The following NUP107 variants were observed in gnomAD, a reference collection of about 807,000 sequenced individuals.
The protein encoded by NUP107 is nucleoporin 107.
A neutral mutation model predicts 141.0 loss-of-function variants in NUP107; 101 were observed. The ratio of observed to expected loss-of-function variants is 0.72; its 90% confidence interval spans 0.61 to 0.84. The LOEUF (loss-of-function observed/expected upper bound fraction) is 0.84, where lower values mean the gene tolerates loss of function less well. NUP107 is among the 40% of genes least tolerant of loss of function. The pLI is 0.00. For missense variants in NUP107, 941 were observed against 1,102.7 expected, an observed-to-expected ratio of 0.85 and a Z score of 2.08; for synonymous variants, 319 against 363.9, an observed-to-expected ratio of 0.88 and a Z score of 1.41.
rs1440298350 is a variant in NUP107, at chr12:68,719,324, C to CT, written c.1084-14dup. 5 of 1,607,554 alleles carry CT rather than the reference C, an allele frequency of 3.1e-6. No homozygotes were observed. In the African/African-American group the frequency reaches 5.4e-5, roughly 17 times the overall value. On this transcript the variant is annotated splice_polypyrimidine_tract_variant and intron_variant, in intron 12 of 27. Coordinates refer to ENST00000229179, the MANE Select transcript of NUP107 (RefSeq NM_020401.4). ...CACCCTGGTTATTGGACTGACTGCTCTTTCTTGTTTTCTAAGGCACAACGA... is the reference window on the plus strand; with the variant it reads ...CACCCTGGTTATTGGACTGACTGCTCTTTTCTTGTTTTCTAAGGCACAACGA...
At chr12:68,710,948 G>A (rs751475634) in intron 10 of NUP107, among the ~76,000 whole-genome samples, 1 of 151,828 alleles carries the variant, frequency 6.6e-6, no homozygotes, top group Non-Finnish European at 1.5e-5. Flanking sequence ...TGGGTATTCC[G>A]AGCTTTGGGG....
At position 68,702,732 on chromosome 12, in the gene NUP107, C is replaced by T. The variant is rs752016502; in HGVS notation, c.681-4C>T. On this transcript the variant is annotated splice_region_variant and splice_polypyrimidine_tract_variant and intron_variant, in intron 7 of 27. Coordinates refer to ENST00000229179, the MANE Select transcript of NUP107 (RefSeq NM_020401.4). ...CTTTTTTATTTTGTCTTATTTTTCC[C>T]CAGAGACAGAATACAGTCTGCATTA... 1.3e-6 allele frequency: 2 copies of T among 1,532,578 alleles called. No individual in the cohort carries two copies. The highest frequency in any genetic ancestry group is 4.8e-5 in the East Asian group (2 of 41,596). 94.9% of individuals were successfully genotyped at this position (1,532,578 alleles called of 1,614,324 possible).
rs763847945 is a variant in NUP107, at chr12:68,733,583, C to T, written c.2233C>T (p.Arg745Ter). Residue 745 changes from arginine (R) to a stop codon, truncating the protein, a stop_gained, in exon 24 of 28, where the codon CGA (arginine) becomes TGA (stop). Coordinates refer to ENST00000229179, the MANE Select transcript of NUP107 (RefSeq NM_020401.4). LOFTEE classifies it high-confidence loss of function. ...TCCTGCTGAAGATGATAATGCTATC[C>T]GAGAACATTTGTGCATCAGAGCTTA... ...PLPAEDDNAI[R>*]EHLCIRAYLE... 31 of 1,610,680 alleles carry T rather than the reference C, an allele frequency of 1.9e-5. No individual in the cohort carries two copies. The highest frequency in any genetic ancestry group is 2.7e-5 in the African/African-American group (2 of 74,784).
At position 68,742,441 on chromosome 12, in the gene NUP107, AG is replaced by A. The variant is rs1217615782; in HGVS notation, c.2760del (p.Tyr921MetfsTer40). Reference sequence around the variant, plus strand: ...TCCTAGACCAGGGACTTGACCCATTAGGGTATGAAATTCAGTTATAGTTTAA... The same window carrying A: ...TCCTAGACCAGGGACTTGACCCATTAGGTATGAAATTCAGTTATAGTTTAA... ...MLLDQGLDPL[G>X]YEIQL On this transcript the variant is annotated frameshift_variant, in exon 28 of 28. Coordinates refer to ENST00000229179, the MANE Select transcript of NUP107 (RefSeq NM_020401.4). LOFTEE classifies it high-confidence loss of function. 10 of 1,581,554 alleles carry A rather than the reference AG, an allele frequency of 6.3e-6. No homozygotes were observed. Among genetic ancestry groups the A allele is most frequent in the Non-Finnish European group, 8.6e-6 (10 of 1,159,944 alleles).
chr12:68,715,816 G>A, intron 12 of NUP107, 76 bp downstream of exon 12: 1 of 777,966 alleles, frequency 1.3e-6, no homozygotes, highest in South Asian at 1.7e-5. Flanking sequence ...TTTTGTGGCT[G>A]CCTAGTAAGC....
chr12:68,721,722 C>A (rs891024985), intron 15 of NUP107, 119 bp from the exon 16 acceptor site: 2 of 987,248 alleles, frequency 2.0e-6, no homozygotes, highest in Non-Finnish European at 1.5e-6. Flanking sequence ...TTTTTAAAAT[C>A]TGCCGTGTTT....
intron 5 of NUP107, among the ~76,000 whole-genome samples, chr12:68,695,632 G>C (rs572038415): frequency 1.3e-5 from 2 of 152,312 alleles, no homozygotes; most frequent in East Asian, 3.9e-4. Context: ...AGAGTGGGGA[G>C]TTAATGTTTA....
rs1299466755 is a variant in NUP107 at position 68,745,795 on chromosome 12, A to G, written c.*3333A>G. 6.6e-6 allele frequency: 1 copy of G among 152,318 alleles called. No homozygotes were observed. Among genetic ancestry groups the G allele is most frequent in the Non-Finnish European group, 1.5e-5 (1 of 68,082 alleles). The allele number at this position is 152,318 out of a possible 1,614,324, so 9.4% of individuals were successfully genotyped here. Reference sequence around the variant, plus strand: ...TTTTGAATGTCTTTTTCCAAAAATAAAAAATAAAAACATGCTTTCAATAAG... The same window carrying G: ...TTTTGAATGTCTTTTTCCAAAAATAGAAAATAAAAACATGCTTTCAATAAG... On this transcript the variant is annotated 3_prime_UTR_variant, in exon 28 of 28. Coordinates refer to ENST00000229179, the MANE Select transcript of NUP107 (RefSeq NM_020401.4).
chr12:68,690,973 G>C (rs1023689977), intron 4 of NUP107, among the ~76,000 whole-genome samples: 4 of 152,002 alleles, frequency 2.6e-5, no homozygotes, highest in Non-Finnish European at 5.9e-5. Context: ...CTAGCTGCTC[G>C]GGAGGCTGAG....
chr12:68,716,731 C>G (rs2431658), intron 12 of NUP107, among the ~76,000 whole-genome samples: 151,285 of 152,292 alleles, frequency 0.99, 75,149 homozygotes, highest in Middle Eastern at 1. Context: ...TTACCAGATG[C>G]CTCTTTAGGT....
chr12:68,688,931 C>A, intron 1 of NUP107, 31 bp from the exon 2 acceptor site: 1 of 1,508,836 alleles, frequency 6.6e-7, no homozygotes, highest in Non-Finnish European at 9.1e-7. Flanking sequence ...ATTCTCGTTT[C>A]ACTTATATAA....
At position 68,696,871 on chromosome 12, in the gene NUP107, G is replaced by A. The variant is rs371149690; in HGVS notation, c.501G>A (p.Ser167=). 12 of 1,608,638 alleles carry A rather than the reference G, an allele frequency of 7.5e-6. No homozygotes were observed. The highest frequency in any genetic ancestry group is 6.7e-5 in the African/African-American group (5 of 74,212). The stretch of plus-strand genomic sequence containing the variant: ...TGCAGTCTTTTCTGAAGCACTCTTC[G>A]AGTACAGTTTTTGATCTTGTGGAAG... ...DFLQSFLKHS[S]STVFDLVEEY... Residue 167 remains serine (S), a synonymous_variant, in exon 6 of 28, where the codon TCG becomes TCA. Transcript: ENST00000229179.
rs773521364 is a variant in NUP107, at chr12:68,734,694, A to C, written c.2263-14A>C. ...TGTTATTTTATATTTTGGTTTTTTTATTTCACATTTTAGGAAGCCCATGAA... is the reference window on the plus strand; with the variant it reads ...TGTTATTTTATATTTTGGTTTTTTTCTTTCACATTTTAGGAAGCCCATGAA... On this transcript the variant is annotated splice_polypyrimidine_tract_variant and intron_variant, in intron 24 of 27. Transcript: ENST00000229179. 2.1e-5 allele frequency: 31 copies of C among 1,503,152 alleles called. No individual in the cohort carries two copies. The highest frequency in any genetic ancestry group is 2.5e-5 in the Non-Finnish European group (28 of 1,123,784). 93.1% of individuals were successfully genotyped at this position (1,503,152 alleles called of 1,614,324 possible).
At chr12:68,687,247 C>T (rs1366375045) in intron 1 of NUP107, 174 bp downstream of exon 1, 5 of 921,170 alleles carry the variant, frequency 5.4e-6, no homozygotes, top group Non-Finnish European at 4.9e-6. Context: ...AGCCGCTTGG[C>T]GTGCGTCGGG....
At chr12:68,704,577 C>T (rs1876488557) in intron 8 of NUP107, among the ~76,000 whole-genome samples, 1 of 151,762 alleles carries the variant, frequency 6.6e-6, no homozygotes, top group Non-Finnish European at 1.5e-5. Context: ...CCTCAGCCTC[C>T]CTAGTAGCTG....
intron 8 of NUP107, among the ~76,000 whole-genome samples, 188 bp downstream of exon 8, chr12:68,702,972 T>C (rs1431336064): frequency 1.3e-5 from 2 of 151,916 alleles, no homozygotes; most frequent in Non-Finnish European, 2.9e-5. Flanking sequence ...GCTTCCTGAG[T>C]AGCTGGGATT....
intron 8 of NUP107, chr12:68,706,896 C>T (rs1876610031): frequency 1.3e-5 from 10 of 742,584 alleles, no homozygotes; most frequent in South Asian, 4.1e-5. Context: ...GGTCTGAGCT[C>T]GGCCTATGGG....
chr12:68,700,653 A>T lies in NUP107; in HGVS notation c.553-73A>T, dbSNP rs548299039. 26 of 1,045,456 alleles carry T rather than the reference A, an allele frequency of 2.5e-5. No homozygotes were observed. In the East Asian group the frequency reaches 6.5e-4, roughly 26 times the overall value. The allele number at this position is 1,045,456 out of a possible 1,614,324, so 64.8% of individuals were successfully genotyped here. On this transcript the variant is annotated intron_variant, in intron 6 of 27. Coordinates refer to ENST00000229179, the MANE Select transcript of NUP107 (RefSeq NM_020401.4). ...TTAAATACAATTATTTTAGCACTCT[A>T]TTCAAATACAAACTTATCAGTGACT...
At chr12:68,692,503 C>G (rs956236404) in intron 5 of NUP107, among the ~76,000 whole-genome samples, 2 of 151,264 alleles carry the variant, frequency 1.3e-5, no homozygotes, top group African/African-American at 4.9e-5. Context: ...CGCTTGAACC[C>G]GGGAGGCAGA....
Sources: allele counts gnomAD v4.1 joint callset (sites outside exome capture counted in the v4.1 genomes callset), GRCh38; gene constraint gnomAD v4.1.1; transcripts MANE v1.5; gene names NCBI Gene and HGNC (gene_info 2026-07-23, HGNC 2026-07-21).